Variants in CADM2 observed in about 807,000 individuals in gnomAD.
The protein encoded by CADM2 is immunoglobulin superfamily member 4D.
Under a neutral mutation model 49.8 loss-of-function variants are expected in CADM2, and 12 were observed. The ratio of observed to expected loss-of-function variants is 0.24; its 90% CI spans 0.15 to 0.39. The LOEUF is 0.39. Among genes scored for constraint, CADM2 ranks in the 10% least tolerant of loss-of-function variants. The pLI is 1.00. For missense variants in CADM2, 378 were observed against 492.3 expected (o/e 0.77, Z 2.20); for synonymous variants, 214 against 175.4 (o/e 1.22, Z -1.74).
chr3:85,368,888 C>T (rs2032993727), intron 1 of CADM2, among the ~76,000 whole-genome samples: 1 of 152,202 alleles, frequency 6.6e-6, no homozygotes, highest in Admixed American at 6.5e-5. Context: ...TTACATTATC[C>T]ACTGGTTGAG....
At chr3:85,453,610 T>G (rs1302541087) in intron 1 of CADM2, among the ~76,000 whole-genome samples, 1 of 152,170 alleles carries the variant, frequency 6.6e-6, no homozygotes, top group African/African-American at 2.4e-5. Context: ...ACATCTTTGT[T>G]TAAATAATAA....
At chr3:85,517,683 C>T (rs2060937157) in intron 1 of CADM2, among the ~76,000 whole-genome samples, 1 of 152,076 alleles carries the variant, frequency 6.6e-6, no homozygotes, top group African/African-American at 2.4e-5. Flanking sequence ...CCAAATATTT[C>T]CCCATTAGTT....
chr3:85,916,139 T>C (rs1345947510), intron 6 of CADM2, among the ~76,000 whole-genome samples: 2 of 152,150 alleles, frequency 1.3e-5, no homozygotes, highest in Non-Finnish European at 2.9e-5. Flanking sequence ...TAATCATACA[T>C]TTAAATACTG....
chr3:85,145,432 T>C (rs2039708301), intron 1 of CADM2, among the ~76,000 whole-genome samples: 1 of 152,170 alleles, frequency 6.6e-6, no homozygotes, highest in Non-Finnish European at 1.5e-5. Context: ...CAGTATTTTC[T>C]GTCTCCTGGT....
At chr3:85,230,533 A>T (rs998248135) in intron 1 of CADM2, among the ~76,000 whole-genome samples, 1 of 152,194 alleles carries the variant, frequency 6.6e-6, no homozygotes, top group African/African-American at 2.4e-5. Flanking sequence ...AATTCGTTCA[A>T]ATTAGGTCAT....
At chr3:85,506,330 A>C (rs891930052) in intron 1 of CADM2, among the ~76,000 whole-genome samples, 11 of 152,182 alleles carry the variant, frequency 7.2e-5, no homozygotes, top group African/African-American at 2.7e-4. Context: ...GAGAAGATCT[A>C]AATGTTATAA....
intron 1 of CADM2, among the ~76,000 whole-genome samples, chr3:85,500,201 G>T (rs2040057659): frequency 1.3e-5 from 2 of 152,042 alleles, no homozygotes; most frequent in South Asian, 4.1e-4. Context: ...GAACAAAATT[G>T]CATTATTTAT....
At chr3:85,586,616 A>G (rs1391294842) in intron 1 of CADM2, among the ~76,000 whole-genome samples, 1 of 152,146 alleles carries the variant, frequency 6.6e-6, no homozygotes, top group Non-Finnish European at 1.5e-5. Flanking sequence ...TTAAAATACA[A>G]ACAGATGTGG....
intron 1 of CADM2, among the ~76,000 whole-genome samples, chr3:85,665,962 C>T (rs2065552690): frequency 6.6e-6 from 1 of 152,048 alleles, no homozygotes; most frequent in South Asian, 2.1e-4. Flanking sequence ...TCTCTATTTG[C>T]AGATGACATG....
chr3:85,474,288 G>A (rs2038890464), intron 1 of CADM2, among the ~76,000 whole-genome samples: 1 of 151,808 alleles, frequency 6.6e-6, no homozygotes, highest in African/African-American at 2.4e-5. Context: ...CTAGGTAAGT[G>A]TTGAAGTTGG....
At chr3:85,135,033 CA>C (rs1003697927) in intron 1 of CADM2, among the ~76,000 whole-genome samples, 66 of 151,058 alleles carry the variant, frequency 4.4e-4, no homozygotes, top group African/African-American at 1.3e-3. Context: ...TAATTTTTAA[CA>C]AAAAAAGCAA....
chr3:85,779,735 T>C (rs1221423477), intron 2 of CADM2, among the ~76,000 whole-genome samples: 1 of 152,180 alleles, frequency 6.6e-6, no homozygotes, highest in Non-Finnish European at 1.5e-5. Context: ...TCACCTATAT[T>C]TTAAACATTT....
chr3:85,347,807 G>GTTTTT (rs143346387), intron 1 of CADM2, among the ~76,000 whole-genome samples: 2 of 103,218 alleles, frequency 1.9e-5, no homozygotes, highest in African/African-American at 6.1e-5. Flanking sequence ...ACATCCGCCA[G>GTTTTT]TTTTTTGTTT....
chr3:85,684,246 C>A (rs2066131400), intron 1 of CADM2, among the ~76,000 whole-genome samples: 1 of 152,166 alleles, frequency 6.6e-6, no homozygotes, highest in Admixed American at 6.5e-5. Context: ...ATTTAGAATT[C>A]TTGGACTCCT....
At chr3:85,898,370 A>T (rs1715564941) in intron 5 of CADM2, among the ~76,000 whole-genome samples, 2 of 152,114 alleles carry the variant, frequency 1.3e-5, no homozygotes, top group Non-Finnish European at 2.9e-5. Flanking sequence ...TAGTAGTGAA[A>T]CCATCACCAC....
chr3:85,769,572 T>TACATATATACATATATAGTATATAC (rs1559644677), intron 2 of CADM2, among the ~76,000 whole-genome samples: 6 of 110,678 alleles, frequency 5.4e-5, no homozygotes, highest in African/African-American at 2.1e-4. Context: ...TACACGTATA[T>TACATATATACATATATAGTATATAC]ACATATATAC....
intron 1 of CADM2, among the ~76,000 whole-genome samples, chr3:84,961,441 G>A (rs2030501252): frequency 6.6e-6 from 1 of 152,180 alleles, no homozygotes; most frequent in Admixed American, 6.5e-5. Flanking sequence ...AAGGCAGACA[G>A]CACATTCTCC....
intron 1 of CADM2, among the ~76,000 whole-genome samples, chr3:85,404,908 T>G (rs1372030805): frequency 6.6e-6 from 1 of 152,064 alleles, no homozygotes; most frequent in East Asian, 1.9e-4. Context: ...AATAATAAAG[T>G]GATGAAAAGA....
At chr3:85,104,696 C>T (rs2038144009) in intron 1 of CADM2, among the ~76,000 whole-genome samples, 2 of 152,160 alleles carry the variant, frequency 1.3e-5, no homozygotes, top group African/African-American at 2.4e-5. Context: ...TTCTTCCTAA[C>T]CATGAGCATG....
Sources: allele counts gnomAD v4.1 joint callset (sites outside exome capture counted in the v4.1 genomes callset), GRCh38; gene constraint gnomAD v4.1.1; transcripts MANE v1.5; gene names NCBI Gene and HGNC (gene_info 2026-07-23, HGNC 2026-07-21).